Variants in FRYL observed in about 807,000 individuals in gnomAD.
FRYL encodes protein furry homolog-like.
Under a neutral mutation model 351.2 loss-of-function variants are expected in FRYL, and 150 were observed. That is an observed-to-expected ratio of 0.43 (90% CI 0.37 to 0.49). FRYL has a LOEUF of 0.49. FRYL is among the 20% of genes least tolerant of loss of function. The pLI is 0.00. For synonymous variants in FRYL, 1,153 were observed against 1,257.1 expected, an observed-to-expected ratio of 0.92 and a Z score of 1.75; for missense variants, 3,036 against 3,619.3, an observed-to-expected ratio of 0.84 and a Z score of 4.13.
At chr4:48,648,231 AC>A (rs760425831) in intron 3 of FRYL, among the ~76,000 whole-genome samples, 52 of 152,270 alleles carry the variant, frequency 3.4e-4, no homozygotes, top group Middle Eastern at 3.4e-3. Context: ...TGATGAAATC[AC>A]CCCAATCACT....
At position 48,608,872 on chromosome 4, in the gene FRYL, G is replaced by A. The variant is rs1747416581; in HGVS notation, c.572+115C>T. ...CAGTAAAGTAATAAAAGGTGGAGCT[G>A]ACTTAGTGCTATGGAAAATGGTGGA... On this transcript the variant is annotated intron_variant, in intron 9 of 63. Coordinates refer to ENST00000358350, the MANE Select transcript of FRYL (RefSeq NM_015030.2). The A allele has an allele frequency of 3.2e-5, 23 of 715,904 alleles. No homozygotes were observed. In the South Asian group the frequency reaches 3.7e-4, roughly 11 times the overall value. The allele number at this position is 715,904 out of a possible 1,614,324, so 44.3% of individuals were successfully genotyped here. A position where few individuals can be genotyped will look rare whatever the true frequency, so the allele number is the denominator to read the frequency against.
rs780215345 is a variant in FRYL at position 48,543,999 on chromosome 4, T to G, written c.5402-2A>C. 4 of 1,612,944 alleles carry G rather than the reference T, an allele frequency of 2.5e-6. No individual in the cohort carries two copies. In the South Asian group the frequency reaches 4.4e-5, roughly 18 times the overall value. On this transcript the variant is annotated splice_acceptor_variant, in intron 43 of 63. Transcript: ENST00000358350. LOFTEE classifies it high-confidence loss of function. ...GATGATGTTCCAGATGAATTCCTTCTGTGAATGCAAAGGAAACGAGTAGGT... is the reference window on the plus strand; with the variant it reads ...GATGATGTTCCAGATGAATTCCTTCGGTGAATGCAAAGGAAACGAGTAGGT...
intron 4 of FRYL, among the ~76,000 whole-genome samples, chr4:48,625,038 C>T (rs140305133): frequency 1.3e-5 from 2 of 152,294 alleles, no homozygotes; most frequent in African/African-American, 4.8e-5. Flanking sequence ...CCTTCAAATT[C>T]AGACTGGAAC....
intron 7 of FRYL, among the ~76,000 whole-genome samples, chr4:48,615,046 T>G (rs1006330484): frequency 4.6e-5 from 7 of 152,078 alleles, no homozygotes; most frequent in Non-Finnish European, 8.8e-5. Flanking sequence ...CAAGATGGTC[T>G]CGATCTCCTG....
At chr4:48,630,508 T>G (rs1752744238) in intron 4 of FRYL, among the ~76,000 whole-genome samples, 1 of 152,144 alleles carries the variant, frequency 6.6e-6, no homozygotes, top group African/African-American at 2.4e-5. Context: ...TCCCCAGCAA[T>G]CTAAAAGATT....
At chr4:48,624,337 TG>T (rs995073319) in intron 4 of FRYL, among the ~76,000 whole-genome samples, 11 of 152,126 alleles carry the variant, frequency 7.2e-5, no homozygotes, top group Non-Finnish European at 1.3e-4. Context: ...GAAGACGTGG[TG>T]GGACTCACTG....
intron 1 of FRYL, among the ~76,000 whole-genome samples, chr4:48,776,707 C>T (rs1395667887): frequency 1.3e-5 from 2 of 152,148 alleles, no homozygotes; most frequent in African/African-American, 4.8e-5. Flanking sequence ...GATGGATGAT[C>T]CCTGTCACTA....
intron 15 of FRYL, among the ~76,000 whole-genome samples, chr4:48,594,808 TC>T (rs1468672246): frequency 1.3e-5 from 2 of 152,210 alleles, no homozygotes; most frequent in Non-Finnish European, 2.9e-5. Context: ...TACCTATGTT[TC>T]TCCAAGATGG....
chr4:48,767,879 AGGAC>A (rs902768989), intron 1 of FRYL, among the ~76,000 whole-genome samples: 1 of 152,174 alleles, frequency 6.6e-6, no homozygotes, highest in Non-Finnish European at 1.5e-5. Context: ...TCCAGAGGCA[AGGAC>A]GCCAACAGCA....
intron 16 of FRYL, among the ~76,000 whole-genome samples, chr4:48,592,376 A>G (rs1465813688): frequency 6.6e-6 from 1 of 152,086 alleles, no homozygotes; most frequent in Admixed American, 6.5e-5. Flanking sequence ...AAAGTCCTTG[A>G]AAAGAAAATA....
At chr4:48,711,380 C>T (rs548324112) in intron 1 of FRYL, among the ~76,000 whole-genome samples, 7 of 152,386 alleles carry the variant, frequency 4.6e-5, no homozygotes, top group East Asian at 3.9e-4. Flanking sequence ...GCTTTTCCAA[C>T]GGGCTTAAAA....
At chr4:48,603,583 G>A (rs954542732) in intron 11 of FRYL, among the ~76,000 whole-genome samples, 195 bp from the exon 12 acceptor site, 1 of 152,176 alleles carries the variant, frequency 6.6e-6, no homozygotes, top group Non-Finnish European at 1.5e-5. Context: ...AGTGAACAAA[G>A]TGGGAATACA....
chr4:48,536,921 A>G (rs1729022890), intron 47 of FRYL, among the ~76,000 whole-genome samples: 1 of 152,182 alleles, frequency 6.6e-6, no homozygotes, highest in African/African-American at 2.4e-5. Flanking sequence ...CACAAAATAT[A>G]AAGGTTATGC....
intron 17 of FRYL, 133 bp from the exon 18 acceptor site, chr4:48,590,010 ATTC>A: frequency 1.4e-6 from 1 of 710,102 alleles, no homozygotes; most frequent in South Asian, 1.9e-5. Flanking sequence ...ACTGTGACAT[ATTC>A]TTCTCCCTGA....
intron 1 of FRYL, among the ~76,000 whole-genome samples, chr4:48,777,080 C>G (rs1291716165): frequency 1.3e-5 from 2 of 152,162 alleles, no homozygotes; most frequent in Non-Finnish European, 2.9e-5. Context: ...AGACTGTCAT[C>G]CAGTTCTACT....
chr4:48,575,237 A>G lies in FRYL; in HGVS notation c.2726T>C (p.Ile909Thr), dbSNP rs371616596. The part of the protein sequence containing the change: ...DSGYSIDSKI[I>T]GIPSPSSLFK... The stretch of plus-strand genomic sequence containing the variant: ...CAAGGATGAAGGGGATGGGATGCCA[A>G]TAATCTGGAAAAAAAATATCGTATT... The change falls in exon 25 of 64, where the codon ATT (isoleucine) becomes ACT (threonine). Residue 909 changes from isoleucine (I) to threonine (T), a missense_variant. By Grantham distance (89) the Ile-to-Thr change is moderately conservative (BLOSUM62 -1). Around this residue, in one of 7 missense-constraint regions of FRYL, gnomAD observed 492 missense variants for 551.5 expected, o/e 0.89. Transcript: ENST00000358350. 9.7e-5 allele frequency: 157 copies of G among 1,613,230 alleles called. No individual in the cohort carries two copies. Among genetic ancestry groups the G allele is most frequent in the Non-Finnish European group, 1.2e-4 (145 of 1,179,488 alleles).
chr4:48,625,751 T>C (rs1054643670), intron 4 of FRYL, among the ~76,000 whole-genome samples: 2 of 152,116 alleles, frequency 1.3e-5, no homozygotes, highest in African/African-American at 4.8e-5. Context: ...TGTATTAGAA[T>C]ATTGTGTAGT....
At chr4:48,750,130 TC>T (rs1773090396) in intron 1 of FRYL, among the ~76,000 whole-genome samples, 1 of 122,596 alleles carries the variant, frequency 8.2e-6, no homozygotes. Flanking sequence ...CAAGACTCCA[TC>T]TATTAAAAAA....
At chr4:48,709,800 C>A (rs1767803611) in intron 2 of FRYL, among the ~76,000 whole-genome samples, 1 of 152,200 alleles carries the variant, frequency 6.6e-6, no homozygotes, top group South Asian at 2.1e-4. Context: ...CCAATTTTCA[C>A]TCTATCTGCC....
Sources: allele counts gnomAD v4.1 joint callset (sites outside exome capture counted in the v4.1 genomes callset), GRCh38; gene constraint gnomAD v4.1.1; regional missense constraint gnomAD v4.1.1; transcripts MANE v1.5; gene names NCBI Gene and HGNC (gene_info 2026-07-23, HGNC 2026-07-21).